TANC1: variants seen among roughly 807,000 people sequenced by gnomAD.
TANC1 encodes the protein protein TANC1.
In TANC1, 77 loss-of-function variants were observed where a neutral mutation model predicts 149.7. That is an observed-to-expected ratio of 0.51 (90% confidence interval 0.43 to 0.62). The LOEUF (loss-of-function observed/expected upper bound fraction) is 0.62, where lower values mean the gene tolerates loss of function less well. Ranked by LOEUF, TANC1 falls within the 20% of genes least tolerant of loss-of-function variation. TANC1 has a pLI of 0.00. For missense variants in TANC1, 1,985 were observed against 2,321.8 expected (o/e 0.85, Z 2.98); for synonymous variants, 854 against 925.0 (o/e 0.92, Z 1.39).
intron 4 of TANC1, among the ~76,000 whole-genome samples, chr2:159,113,821 A>G (rs2047986916): frequency 6.6e-6 from 1 of 152,020 alleles, no homozygotes; most frequent in South Asian, 2.1e-4. Flanking sequence ...GCATAGTGAG[A>G]CTCCAGTCTC....
At chr2:159,086,809 G>A (rs2044914749) in intron 3 of TANC1, among the ~76,000 whole-genome samples, 2 of 152,036 alleles carry the variant, frequency 1.3e-5, no homozygotes, top group Admixed American at 1.3e-4. Context: ...GAACTTTTGG[G>A]TCATGTATCT....
chr2:159,166,010 A>G (rs2054568185), intron 8 of TANC1, among the ~76,000 whole-genome samples: 1 of 152,218 alleles, frequency 6.6e-6, no homozygotes, highest in South Asian at 2.1e-4. Context: ...GGCTAGGTTT[A>G]AAGATTATTT....
intron 4 of TANC1, among the ~76,000 whole-genome samples, chr2:159,105,004 T>C (rs2047026297): frequency 2.6e-5 from 1 of 38,776 alleles, no homozygotes; most frequent in Non-Finnish European, 5.5e-5. Flanking sequence ...TTTTTTTTTT[T>C]TTTTTTTTGA....
chr2:159,031,338 C>T (rs2039765314), intron 2 of TANC1, among the ~76,000 whole-genome samples: 1 of 152,212 alleles, frequency 6.6e-6, no homozygotes, highest in African/African-American at 2.4e-5. Context: ...ACACTGAAAA[C>T]AACAGGCCAG....
chr2:158,984,627 G>C (rs867689724), intron 1 of TANC1, among the ~76,000 whole-genome samples: 1 of 152,180 alleles, frequency 6.6e-6, no homozygotes, highest in Admixed American at 6.5e-5. Flanking sequence ...GAGGAGACAA[G>C]TGCACACACA....
At chr2:159,046,372 T>G (rs1001331103) in intron 2 of TANC1, among the ~76,000 whole-genome samples, 6 of 152,114 alleles carry the variant, frequency 3.9e-5, no homozygotes, top group Non-Finnish European at 7.4e-5. Flanking sequence ...TTTTACAATT[T>G]AGGAGGGACT....
intron 20 of TANC1, 24 bp downstream of exon 20, chr2:159,217,654 T>G (rs777170377): frequency 1.6e-5 from 26 of 1,612,634 alleles, no homozygotes; most frequent in Non-Finnish European, 5.9e-6. Flanking sequence ...CCCTGAATGC[T>G]TCAGAAGCAA....
intron 2 of TANC1, among the ~76,000 whole-genome samples, chr2:159,060,769 C>T (rs1449923450): frequency 2.6e-5 from 4 of 152,166 alleles, no homozygotes; most frequent in African/African-American, 7.2e-5. Context: ...AGAAGAGAAA[C>T]GTTTTACTGC....
intron 3 of TANC1, among the ~76,000 whole-genome samples, chr2:159,079,667 G>C (rs2044060280): frequency 6.6e-6 from 1 of 152,152 alleles, no homozygotes; most frequent in African/African-American, 2.4e-5. Flanking sequence ...CAATAGAAAG[G>C]GAAAGGGTGG....
Position 159,229,826 on chromosome 2 carries a change from A to G in TANC1, c.4400A>G (p.Gln1467Arg). The G allele has an allele frequency of 6.2e-7, 1 of 1,614,056 alleles. No homozygotes were observed. Reference protein sequence around the residue: ...EETEEEETSPQEESVSPTPRS... With the variant: ...EETEEEETSPREESVSPTPRS... Reference sequence around the variant, plus strand: ...ACTGAAGAGGAAGAAACTTCTCCCCAGGAAGAATCTGTTTCCCCAACTCCC... The same window carrying G: ...ACTGAAGAGGAAGAAACTTCTCCCCGGGAAGAATCTGTTTCCCCAACTCCC... Residue 1467 changes from glutamine to arginine, a missense_variant, in exon 27 of 27, where the codon CAG becomes CGG. This residue lies in a region of TANC1 where 920 missense variants were observed against 994.7 expected (regional missense o/e 0.92). Transcript: ENST00000263635.
intron 19 of TANC1, among the ~76,000 whole-genome samples, chr2:159,209,738 G>T (rs1198178001): frequency 6.6e-6 from 1 of 151,766 alleles, no homozygotes; most frequent in Non-Finnish European, 1.5e-5. Flanking sequence ...TGAGAAATGT[G>T]CAGTGTGTCA....
rs1367448710 is a variant in TANC1, at chr2:159,150,465, C to G, written c.591C>G (p.Ser197Arg). The change falls in exon 7 of 27, where the codon AGC becomes AGG. Residue 197 changes from serine (S) to arginine (R), a missense_variant. By Grantham distance (110) the Ser-to-Arg change is moderately radical. Around this residue, in one of 3 missense-constraint regions of TANC1, gnomAD observed 557 missense variants for 612.9 expected, o/e 0.91. Coordinates refer to ENST00000263635, the MANE Select transcript of TANC1 (RefSeq NM_033394.3). Reference protein sequence around the residue: ...STDSPCSTLNSCVSKTAANKS... With the variant: ...STDSPCSTLNRCVSKTAANKS... ...ATAGCCCCTGCTCAACCTTGAATAGCTGTGTCAGCAAGACGGCAGCCAACA... is the reference window on the plus strand; with the variant it reads ...ATAGCCCCTGCTCAACCTTGAATAGGTGTGTCAGCAAGACGGCAGCCAACA... 2.5e-6 allele frequency: 4 copies of G among 1,614,126 alleles called. No homozygotes were observed. The highest frequency in any genetic ancestry group is 3.4e-6 in the Non-Finnish European group (4 of 1,179,966).
intron 1 of TANC1, among the ~76,000 whole-genome samples, chr2:158,999,114 A>T (rs1359661400): frequency 1.3e-5 from 2 of 152,172 alleles, no homozygotes; most frequent in African/African-American, 4.8e-5. Flanking sequence ...ACAAGCACAA[A>T]TATCTTGTTG....
chr2:159,139,339 A>G (rs2051114824), intron 5 of TANC1, among the ~76,000 whole-genome samples: 2 of 152,246 alleles, frequency 1.3e-5, no homozygotes, highest in Non-Finnish European at 2.9e-5. Context: ...ATGACTTAAT[A>G]AAATCATCAA....
chr2:158,970,229 G>C (rs902698073), intron 1 of TANC1, among the ~76,000 whole-genome samples: 1 of 152,092 alleles, frequency 6.6e-6, no homozygotes, highest in African/African-American at 2.4e-5. Flanking sequence ...AATGAAGGGA[G>C]TCTGCGTCTC....
In TANC1 at chr2:159,168,694, A is replaced by G. The variant is rs533680155; in HGVS notation, c.947-556A>G. Among the ~76,000 whole-genome samples, 5 of 152,298 alleles carry G rather than the reference A, an allele frequency of 3.3e-5. No homozygotes were observed. In the South Asian group the frequency reaches 1.0e-3, roughly 32 times the overall value. The stretch of plus-strand genomic sequence containing the variant: ...CTTATTTTTATAATAAAAAACACCA[A>G]AAAATGCGGTATGATATAGAATGTG... On this transcript the variant is annotated intron_variant, in intron 8 of 26. Coordinates refer to ENST00000263635, the MANE Select transcript of TANC1 (RefSeq NM_033394.3).
chr2:159,082,652 G>C (rs2044399675), intron 3 of TANC1, among the ~76,000 whole-genome samples: 1 of 152,168 alleles, frequency 6.6e-6, no homozygotes, highest in Admixed American at 6.5e-5. Flanking sequence ...GTGCTGTAGG[G>C]ACCGTTGCTG....
intron 3 of TANC1, among the ~76,000 whole-genome samples, chr2:159,086,414 T>C (rs1316941792): frequency 6.6e-6 from 1 of 152,016 alleles, no homozygotes; most frequent in African/African-American, 2.4e-5. Flanking sequence ...CATCTGACAT[T>C]AGAGAGATCT....
intron 2 of TANC1, among the ~76,000 whole-genome samples, chr2:159,060,521 T>C (rs1335173967): frequency 6.6e-6 from 1 of 152,260 alleles, no homozygotes; most frequent in Non-Finnish European, 1.5e-5. Flanking sequence ...CTTGCAAGTG[T>C]GAATATATAG....
Sources: gnomAD v4.1 joint callset for allele counts (sites outside exome capture counted in the v4.1 genomes callset) on GRCh38, gnomAD v4.1.1 for gene constraint, gnomAD v4.1.1 regional missense constraint, MANE v1.5 for transcripts, NCBI Gene and HGNC (gene_info 2026-07-23, HGNC 2026-07-21) for gene names.